ODF2L: variants seen among roughly 807,000 people sequenced by gnomAD.
ODF2L encodes protein BCAP.
In ODF2L, 76 loss-of-function variants were observed where a neutral mutation model predicts 86.3. The observed-to-expected ratio is 0.88, with a 90% confidence interval of 0.73 to 1.07. ODF2L has a LOEUF of 1.07. Among genes scored for constraint, ODF2L ranks in the 50% least tolerant of loss-of-function variants. The pLI is 0.00. For synonymous variants in ODF2L, 241 were observed against 231.3 expected, an observed-to-expected ratio of 1.04 and a Z score of -0.38; for missense variants, 748 against 717.4, an observed-to-expected ratio of 1.04 and a Z score of -0.49.
At chr1:86,381,376 G>A (rs1015574082) in intron 7 of ODF2L, among the ~76,000 whole-genome samples, 1 of 151,982 alleles carries the variant, frequency 6.6e-6, no homozygotes, top group Non-Finnish European at 1.5e-5. Flanking sequence ...CATCTGCAGT[G>A]CCCTAGCATA....
chr1:86,352,484 T>G (rs552361286), intron 17 of ODF2L, among the ~76,000 whole-genome samples: 1 of 152,304 alleles, frequency 6.6e-6, no homozygotes, highest in South Asian at 2.1e-4. Context: ...ATATTCATTA[T>G]TCAAGACAGA....
chr1:86,368,947 A>G (rs1275211799), intron 10 of ODF2L, among the ~76,000 whole-genome samples: 4 of 152,122 alleles, frequency 2.6e-5, no homozygotes, highest in African/African-American at 7.2e-5. Flanking sequence ...ACAAAGCAAG[A>G]TATTATTTTA....
At chr1:86,364,997 C>T (rs903293029) in intron 11 of ODF2L, among the ~76,000 whole-genome samples, 10 of 152,158 alleles carry the variant, frequency 6.6e-5, no homozygotes, top group African/African-American at 2.2e-4. Flanking sequence ...TTTTCCAATA[C>T]AATTTCTGGC....
chr1:86,366,389 C>T (rs928116328), intron 11 of ODF2L, among the ~76,000 whole-genome samples: 3 of 130,078 alleles, frequency 2.3e-5, no homozygotes, highest in Non-Finnish European at 3.2e-5. Flanking sequence ...TGAGACCCCA[C>T]CTACACACAC....
chr1:86,364,136 T>A (rs1659233898), intron 11 of ODF2L, among the ~76,000 whole-genome samples: 1 of 152,214 alleles, frequency 6.6e-6, no homozygotes, highest in Non-Finnish European at 1.5e-5. Flanking sequence ...TTAAAATTAA[T>A]TCATCATTTT....
chr1:86,351,402 T>C (rs1658128462), exon 18 of ODF2L: 1 of 152,208 alleles, frequency 6.6e-6, no homozygotes, highest in Non-Finnish European at 1.5e-5. Context: ...CAGATGGTTG[T>C]AGATGTGTGG....
At chr1:86,358,216 G>T in intron 13 of ODF2L, 2 of 293,502 alleles carry the variant, frequency 6.8e-6, no homozygotes, top group Non-Finnish European at 1.0e-5. Context: ...AACTTTCACT[G>T]CTTCTTTACC....
chr1:86,385,882 C>CT (rs746027747), intron 2 of ODF2L: 1 of 195,262 alleles, frequency 5.1e-6, no homozygotes, highest in Admixed American at 6.0e-5. Flanking sequence ...TATGGAAACT[C>CT]TTTAATTGGC....
At chr1:86,388,919 CATTTACTG>C (rs1352414047) in intron 1 of ODF2L, among the ~76,000 whole-genome samples, 15 of 152,226 alleles carry the variant, frequency 9.9e-5, no homozygotes, top group African/African-American at 3.6e-4. Flanking sequence ...ATCTACATTA[CATTTACTG>C]ATTTCTCAAC....
intron 14 of ODF2L, among the ~76,000 whole-genome samples, chr1:86,355,550 T>A (rs182436830): frequency 1.2e-3 from 188 of 152,206 alleles, no homozygotes; most frequent in African/African-American, 4.4e-3. Context: ...AACTTTTAAG[T>A]TCAGGGGTAC....
chr1:86,359,983 T>C (rs531617845), intron 12 of ODF2L, among the ~76,000 whole-genome samples: 4 of 152,350 alleles, frequency 2.6e-5, no homozygotes, highest in South Asian at 4.1e-4. Context: ...TTCATATATA[T>C]TGTCATATGT....
intron 8 of ODF2L, among the ~76,000 whole-genome samples, chr1:86,373,997 T>C (rs1341379475): frequency 6.6e-6 from 1 of 152,222 alleles, no homozygotes; most frequent in African/African-American, 2.4e-5. Flanking sequence ...CCTAAAGAGC[T>C]GTAGCCACTG....
Position 86,385,596 on chromosome 1 carries a change from T to C in ODF2L, c.114-6A>G. The C allele has an allele frequency of 1.2e-6, 2 of 1,606,630 alleles. No homozygotes were observed. The highest frequency in any genetic ancestry group is 1.7e-6 in the Non-Finnish European group (2 of 1,175,378). The stretch of plus-strand genomic sequence containing the variant: ...TTAGAATGTCCTGCTTCAGGCTAAT[T>C]ACAAATGCACATACAAAATTTAAGT... On this transcript the variant is annotated splice_polypyrimidine_tract_variant and splice_region_variant and intron_variant, in intron 2 of 17. Coordinates refer to ENST00000317336, the Ensembl canonical transcript of ODF2L.
chr1:86,376,469 T>G lies in ODF2L; in HGVS notation c.625-51A>C, dbSNP rs538429355. The G allele has an allele frequency of 1.1e-5, 12 of 1,111,872 alleles. No homozygotes were observed. The East Asian group carries it at 2.4e-4, about 22-fold the overall frequency. 68.9% of individuals were successfully genotyped at this position (1,111,872 alleles called of 1,614,324 possible). Reference sequence around the variant, plus strand: ...AATTATTTCAGAACTCCAATGTTTATGTAAACATTGTAAAAATATGTACAT... The same window carrying G: ...AATTATTTCAGAACTCCAATGTTTAGGTAAACATTGTAAAAATATGTACAT... On this transcript the variant is annotated intron_variant, in intron 7 of 17. Coordinates refer to ENST00000317336, the Ensembl canonical transcript of ODF2L.
intron 14 of ODF2L, chr1:86,356,147 A>G (rs1658545534): frequency 4.6e-6 from 1 of 215,684 alleles, no homozygotes; most frequent in Admixed American, 5.7e-5. Context: ...ACATCAAGGA[A>G]CATATATGTA....
exon 1 of ODF2L, chr1:86,396,274 C>G (rs1661739159): frequency 6.6e-6 from 1 of 152,330 alleles, no homozygotes; most frequent in African/African-American, 2.4e-5. Flanking sequence ...AGAAGAGTGC[C>G]CGCTCAAGTG....
chr1:86,377,532 G>A lies in ODF2L; in HGVS notation c.625-1114C>T, dbSNP rs188148294. ...GCCCCAGCAGAGGTTCCCCATAAGG[G>A]CTCCACCCCCGCAGCAAACTTCTGC... On this transcript the variant is annotated intron_variant, in intron 7 of 17. Coordinates refer to ENST00000317336, the Ensembl canonical transcript of ODF2L. Among the ~76,000 whole-genome samples, 4 of 152,228 alleles carry A rather than the reference G, an allele frequency of 2.6e-5. No homozygotes were observed. In the East Asian group the frequency reaches 7.7e-4, roughly 29 times the overall value.
intron 2 of ODF2L, 38 bp downstream of exon 2, chr1:86,386,877 T>C (rs1246761733): frequency 2.9e-6 from 3 of 1,025,792 alleles, no homozygotes; most frequent in African/African-American, 3.2e-5. Flanking sequence ...AATCCTAGAA[T>C]CGGAAATTTA....
chr1:86,349,832 G>A (rs1658006268), downstream of ODF2L: 1 of 152,214 alleles, frequency 6.6e-6, no homozygotes, highest in Non-Finnish European at 1.5e-5. Flanking sequence ...CCCTATTAGG[G>A]TACTTGGACA....
Sources: gnomAD v4.1 joint callset for allele counts (sites outside exome capture counted in the v4.1 genomes callset) on GRCh38, gnomAD v4.1.1 for gene constraint, MANE v1.5 for transcripts, NCBI Gene and HGNC (gene_info 2026-07-23, HGNC 2026-07-21) for gene names.